Variants in ZNF407 observed in about 807,000 individuals in gnomAD.
ZNF407 encodes the protein zinc finger protein 407.
Under a neutral mutation model 131.2 loss-of-function variants are expected in ZNF407, and 17 were observed. The observed-to-expected ratio is 0.13, with a 90% confidence interval of 0.09 to 0.19. ZNF407 has a LOEUF of 0.19. ZNF407 is among the 10% of genes least tolerant of loss of function. ZNF407 has a pLI of 1.00. For synonymous variants in ZNF407, 1,156 were observed against 1,062.0 expected (o/e 1.09, Z -1.72); for missense variants, 2,681 against 2,830.6 (o/e 0.95, Z 1.20).
At chr18:74,962,602 G>T (rs980076941) in intron 8 of ZNF407, among the ~76,000 whole-genome samples, 1 of 152,188 alleles carries the variant, frequency 6.6e-6, no homozygotes, top group Non-Finnish European at 1.5e-5. Flanking sequence ...TGAACTACGG[G>T]TATACGCCAA....
intron 3 of ZNF407, among the ~76,000 whole-genome samples, chr18:74,733,785 C>T (rs1968347213): frequency 6.6e-6 from 1 of 152,184 alleles, no homozygotes; most frequent in Non-Finnish European, 1.5e-5. Context: ...CGTAACAGGA[C>T]TTTGGTCACA....
At position 74,976,405 on chromosome 18, in the gene ZNF407, G is replaced by A. The variant is rs569433642; in HGVS notation, c.5428+55713G>A. ...ACGAAGCTCCTTTGTGCTGCAAGGC[G>A]AGGGTTTCTCTGTACAGGTCCAGCC... On this transcript the variant is annotated intron_variant, in intron 8 of 8. Coordinates refer to ENST00000299687, the MANE Select transcript of ZNF407 (RefSeq NM_017757.3). Among the ~76,000 whole-genome samples, 92 of 152,298 alleles carry A rather than the reference G, an allele frequency of 6.0e-4. 1 individual carries two copies. The highest frequency in any genetic ancestry group is 2.1e-3 in the African/African-American group (88 of 41,564).
Position 74,634,529 on chromosome 18 carries a change from G to T in ZNF407, c.3510G>T (p.Gln1170His). ...ATTCCTTTTGTGAGACTTTCCAACAGGCTCCTGTCAAGGATAAAGTTAGGA... is the reference window on the plus strand; with the variant it reads ...ATTCCTTTTGTGAGACTTTCCAACATGCTCCTGTCAAGGATAAAGTTAGGA... Reference protein sequence around the residue: ...EDHSFCETFQQAPVKDKVRKP... With the variant: ...EDHSFCETFQHAPVKDKVRKP... The change falls in exon 2 of 9, where the codon CAG becomes CAT. Residue 1170 changes from glutamine (Q) to histidine (H), a missense_variant. This residue lies in a region of ZNF407 where 1,789 missense variants were observed against 1,748.7 expected (regional missense o/e 1.02). Coordinates refer to ENST00000299687, the MANE Select transcript of ZNF407 (RefSeq NM_017757.3). 1 of 1,613,784 alleles carries T rather than the reference G, an allele frequency of 6.2e-7. No homozygotes were observed. The highest frequency in any genetic ancestry group is 8.5e-7 in the Non-Finnish European group (1 of 1,179,888).
chr18:74,997,899 T>C (rs1972798194), intron 8 of ZNF407, among the ~76,000 whole-genome samples: 1 of 152,250 alleles, frequency 6.6e-6, no homozygotes, highest in Non-Finnish European at 1.5e-5. Flanking sequence ...CAATCTTAAA[T>C]TGATCACATG....
At chr18:74,670,216 A>G (rs534476) in intron 3 of ZNF407, among the ~76,000 whole-genome samples, 120,205 of 152,188 alleles carry the variant, frequency 0.79, 48,647 homozygotes, top group Non-Finnish European at 0.87. Flanking sequence ...AGATTCTAGG[A>G]TTCTGTGTTT....
At chr18:74,957,634 ATTT>A (rs1329768160) in intron 8 of ZNF407, among the ~76,000 whole-genome samples, 3 of 152,210 alleles carry the variant, frequency 2.0e-5, no homozygotes, top group African/African-American at 7.2e-5. Flanking sequence ...GACAGTTGCT[ATTT>A]TATTCACTGA....
At chr18:74,729,791 T>C (rs1010145870) in intron 3 of ZNF407, among the ~76,000 whole-genome samples, 2 of 152,150 alleles carry the variant, frequency 1.3e-5, no homozygotes, top group South Asian at 2.1e-4. Context: ...TGGAAAAATA[T>C]TTTTCATATT....
chr18:74,826,475 CAG>C (rs1310319477), intron 4 of ZNF407, among the ~76,000 whole-genome samples: 2 of 152,186 alleles, frequency 1.3e-5, no homozygotes, highest in Non-Finnish European at 2.9e-5. Context: ...TCTTCAGAAA[CAG>C]AGCAAGTTTT....
At chr18:74,721,440 G>T (rs1968034299) in intron 3 of ZNF407, among the ~76,000 whole-genome samples, 1 of 152,094 alleles carries the variant, frequency 6.6e-6, no homozygotes, top group South Asian at 2.1e-4. Flanking sequence ...GAAAAGGAAG[G>T]AAGTCACATT....
At chr18:74,599,187 A>G (rs1982462226) in intron 1 of ZNF407, among the ~76,000 whole-genome samples, 1 of 152,140 alleles carries the variant, frequency 6.6e-6, no homozygotes, top group South Asian at 2.1e-4. Flanking sequence ...TTCCCTTTTT[A>G]CAAACTGAGA....
chr18:74,617,092 CACCA>C (rs1983340709), intron 1 of ZNF407, among the ~76,000 whole-genome samples: 7 of 424 alleles, frequency 0.017, no homozygotes, highest in African/African-American at 0.028. Flanking sequence ...CATATCCATG[CACCA>C]ACACATCCAT....
intron 8 of ZNF407, among the ~76,000 whole-genome samples, chr18:74,932,981 T>C (rs1406518977): frequency 6.6e-6 from 1 of 152,200 alleles, no homozygotes; most frequent in Non-Finnish European, 1.5e-5. Context: ...GGAAGCGGAA[T>C]GGCAGCTCCT....
chr18:74,680,065 T>C (rs779718766), intron 3 of ZNF407, among the ~76,000 whole-genome samples: 11 of 152,212 alleles, frequency 7.2e-5, no homozygotes, highest in Admixed American at 2.0e-4. Context: ...TCAGCATACA[T>C]GTTTTTCTCA....
chr18:74,671,123 T>C (rs1568157767), intron 3 of ZNF407, among the ~76,000 whole-genome samples: 1 of 152,198 alleles, frequency 6.6e-6, no homozygotes, highest in African/African-American at 2.4e-5. Context: ...CCACAGACAC[T>C]GGCAGTCACT....
In ZNF407 at chr18:75,048,552, C is replaced by A. The variant is rs1469835836; in HGVS notation, c.5429-14598C>A. On this transcript the variant is annotated intron_variant, in intron 8 of 8. Coordinates refer to ENST00000299687, the MANE Select transcript of ZNF407 (RefSeq NM_017757.3). This position sits in a 1 kb window ranked among gnomAD's most constrained non-coding sequence, Gnocchi z 4.1. ...AATTTCCAACCCAGCCTAGCCTTCC[C>A]CTGGCCTGAAGCATGTTGCCAGTAA... Among the ~76,000 whole-genome samples, 1 of 152,124 alleles carries A rather than the reference C, an allele frequency of 6.6e-6. No individual in the cohort carries two copies. The highest frequency in any genetic ancestry group is 1.5e-5 in the Non-Finnish European group (1 of 68,032).
intron 3 of ZNF407, among the ~76,000 whole-genome samples, chr18:74,773,992 G>T (rs1279695575): frequency 6.6e-6 from 1 of 152,180 alleles, no homozygotes; most frequent in Non-Finnish European, 1.5e-5. Flanking sequence ...TGGAAGGCTG[G>T]TTGTACTAGA....
In ZNF407 at chr18:74,783,348, A is replaced by G. The variant is rs983407372; in HGVS notation, c.4877+1846A>G. On this transcript the variant is annotated intron_variant, in intron 4 of 8. Transcript: ENST00000299687. ...AAATATTTCCCAACTGTACTTTTAAATAGTATATATTTTTAATTTAACTAC... is the reference window on the plus strand; with the variant it reads ...AAATATTTCCCAACTGTACTTTTAAGTAGTATATATTTTTAATTTAACTAC... 5.9e-5 allele frequency among the ~76,000 whole-genome samples: 9 copies of G among 152,304 alleles called. 1 individual carries two copies. Among genetic ancestry groups the G allele is most frequent in the Admixed American group, 1.3e-4 (2 of 15,292 alleles).
intron 7 of ZNF407, among the ~76,000 whole-genome samples, chr18:74,913,554 C>T (rs1318694881): frequency 6.6e-6 from 1 of 152,086 alleles, no homozygotes; most frequent in Non-Finnish European, 1.5e-5. Flanking sequence ...TAAGACATAT[C>T]TGTAGCTTGA....
intron 8 of ZNF407, among the ~76,000 whole-genome samples, chr18:74,963,192 G>A (rs1190666617): frequency 7.2e-6 from 1 of 138,908 alleles, no homozygotes; most frequent in Non-Finnish European, 1.5e-5. Context: ...ACATTCCCAA[G>A]TACTGCAACA....
Sources: gnomAD v4.1 joint callset for allele counts (sites outside exome capture counted in the v4.1 genomes callset) on GRCh38, gnomAD v4.1.1 for gene constraint, gnomAD v4.1.1 regional missense constraint, Gnocchi (gnomAD v3.1) non-coding constraint, MANE v1.5 for transcripts, NCBI Gene and HGNC (gene_info 2026-07-23, HGNC 2026-07-21) for gene names.